The following BRF1 variants were observed in gnomAD, a reference collection of about 807,000 sequenced individuals.
BRF1 encodes BRF1 general transcription factor IIIB subunit.
BRF1 carries 59 observed loss-of-function variants against 81.7 expected under a neutral mutation model. That is an observed-to-expected ratio of 0.72 (90% CI 0.59 to 0.90). BRF1 has a LOEUF of 0.90. Among genes scored for constraint, BRF1 ranks in the 40% least tolerant of loss-of-function variants. The pLI, the probability that BRF1 is intolerant of heterozygous loss-of-function variation, is 0.00. For missense variants in BRF1, 1,050 were observed against 936.3 expected, an observed-to-expected ratio of 1.12 and a Z score of -1.58; for synonymous variants, 491 against 395.6, an observed-to-expected ratio of 1.24 and a Z score of -2.86.
At chr14:105,260,018 G>A (rs1379146671) in intron 3 of BRF1, among the ~76,000 whole-genome samples, 2 of 152,204 alleles carry the variant, frequency 1.3e-5, no homozygotes, top group Non-Finnish European at 2.9e-5. Context: ...TGGAAACAGC[G>A]GTTGCCTTTT....
intron 9 of BRF1, 39 bp downstream of exon 9, chr14:105,226,212 A>G (rs760495241): frequency 6.2e-7 from 1 of 1,614,024 alleles, no homozygotes; most frequent in Non-Finnish European, 8.5e-7. Context: ...AATTTTCCCA[A>G]CAAAACAGAA....
intron 2 of BRF1, 56 bp downstream of exon 2, chr14:105,286,240 C>T (rs1000594742): frequency 3.2e-6 from 5 of 1,547,032 alleles, no homozygotes; most frequent in Non-Finnish European, 1.8e-6. Context: ...CCTAGCACCA[C>T]CATCCCCATC....
intron 3 of BRF1, 121 bp downstream of exon 3, chr14:105,272,600 A>G (rs2056705346): frequency 9.7e-6 from 12 of 1,236,550 alleles, no homozygotes; most frequent in Non-Finnish European, 1.3e-5. Context: ...TTCTTCCAGT[A>G]AGGTGTTTTT....
Position 105,300,537 on chromosome 14 carries a change from C to T in BRF1, c.93G>A (p.Val31=), listed in dbSNP as rs978875253. 5.2e-6 allele frequency: 8 copies of T among 1,528,652 alleles called. No individual in the cohort carries two copies. Among genetic ancestry groups the T allele is most frequent in the Non-Finnish European group, 7.0e-6 (8 of 1,141,250 alleles). The allele number at this position is 1,528,652 out of a possible 1,614,324, so 94.7% of individuals were successfully genotyped here. ...GDAVCTACGS[V]LEDNIIVSEV... ...CGGACACGATGATGTTGTCCTCCAG[C>T]ACTGAGCCGCAGGCGGTGCACACCG... Residue 31 remains valine, a synonymous_variant, in exon 1 of 18, where the codon GTG becomes GTA. Transcript: ENST00000547530.
At chr14:105,283,917 G>A (rs1297533780) in intron 2 of BRF1, among the ~76,000 whole-genome samples, 1 of 152,188 alleles carries the variant, frequency 6.6e-6, no homozygotes, top group East Asian at 1.9e-4. Flanking sequence ...AGGGCCCCTG[G>A]GCAGCGCAGC....
chr14:105,267,230 CCGA>C (rs1490873823), intron 3 of BRF1, among the ~76,000 whole-genome samples: 4 of 152,240 alleles, frequency 2.6e-5, no homozygotes, highest in Non-Finnish European at 5.9e-5. Context: ...CAAGACACCA[CCGA>C]CAAGGGGCCC....
intron 10 of BRF1, among the ~76,000 whole-genome samples, chr14:105,222,862 T>C (rs1892513177): frequency 6.6e-6 from 1 of 152,130 alleles, no homozygotes; most frequent in Non-Finnish European, 1.5e-5. Flanking sequence ...TCTCCTGACC[T>C]TGTGATCTGC....
At chr14:105,248,490 C>CG in intron 5 of BRF1, 1 of 971,028 alleles carries the variant, frequency 1.0e-6, no homozygotes, top group Non-Finnish European at 1.2e-6. Context: ...GGCCTGGGGG[C>CG]GGGGCCGCGA....
chr14:105,250,447 T>A, intron 5 of BRF1: 1 of 1,614,018 alleles, frequency 6.2e-7, no homozygotes, highest in Non-Finnish European at 8.5e-7. Context: ...ACGGATCCAG[T>A]AACACCTTCC....
intron 10 of BRF1, among the ~76,000 whole-genome samples, chr14:105,224,190 G>A (rs188844575): frequency 2.4e-4 from 36 of 152,306 alleles, no homozygotes; most frequent in South Asian, 1.0e-3. Context: ...CCAACGTGGC[G>A]AAACCCCGTT....
At chr14:105,295,782 A>AG (rs1465178748) in intron 1 of BRF1, among the ~76,000 whole-genome samples, 1 of 147,324 alleles carries the variant, frequency 6.8e-6, no homozygotes. Context: ...ACTTTGTCCC[A>AG]GAAAAAAAAA....
rs999575291 is a variant in BRF1 at position 105,275,860 on chromosome 14, C to T, written c.266-2966G>A. Among the ~76,000 whole-genome samples, 27 of 152,380 alleles carry T rather than the reference C, an allele frequency of 1.8e-4. No individual in the cohort carries two copies. The East Asian group carries it at 2.3e-3, about 13-fold the overall frequency. ...TGATGAGCTCAGTGCCCTTAAAAACCGGACCCCAGAGAACTAGCCCAGCTC... is the reference window on the plus strand; with the variant it reads ...TGATGAGCTCAGTGCCCTTAAAAACTGGACCCCAGAGAACTAGCCCAGCTC... On this transcript the variant is annotated intron_variant, in intron 2 of 17. Transcript: ENST00000547530.
chr14:105,249,114 CCGCGCGCG>C (rs926656993), intron 5 of BRF1: 3 of 1,504,152 alleles, frequency 2.0e-6, no homozygotes, highest in Non-Finnish European at 2.6e-6. Context: ...GCCCCCGCGC[CCGCGCGCG>C]CCCACGCCCC....
intron 6 of BRF1, among the ~76,000 whole-genome samples, chr14:105,229,380 C>A (rs899677599): frequency 6.6e-6 from 1 of 152,238 alleles, no homozygotes; most frequent in Non-Finnish European, 1.5e-5. Context: ...GATGGAACGG[C>A]TTCTCAGGTG....
At chr14:105,218,477 C>T (rs1891695370) in intron 14 of BRF1, among the ~76,000 whole-genome samples, 1 of 152,224 alleles carries the variant, frequency 6.6e-6, no homozygotes. Flanking sequence ...CCAGCTTCGT[C>T]TGAGGGACCC....
intron 5 of BRF1, chr14:105,247,727 G>A (rs1319006037): frequency 1.8e-5 from 18 of 985,394 alleles, no homozygotes; most frequent in Non-Finnish European, 2.0e-5. Context: ...GGTCCAGGAG[G>A]TTGCGTGTGT....
Position 105,309,776 on chromosome 14 carries a change from CTTTTTTTTTTTTTT to C in BRF1, c.-162+5532_-162+5545del, listed in dbSNP as rs928875653. The stretch of plus-strand genomic sequence containing the variant: ...TTAAGGAGAAGGTGGTGATGTGTGT[CTTTTTTTTTTTTTT>C]TTTTTTTTTTTTTTAGACGGAGTCT... On this transcript the variant is annotated intron_variant, in intron 1 of 17. Transcript: ENST00000327359. This position sits in a 1 kb window ranked among gnomAD's most constrained non-coding sequence, Gnocchi z 4.0. Among the ~76,000 whole-genome samples, 4 of 89,212 alleles carry C rather than the reference CTTTTTTTTTTTTTT, an allele frequency of 4.5e-5. No homozygotes were observed. The highest frequency in any genetic ancestry group is 3.9e-4 in the South Asian group (1 of 2,580). 58.5% of individuals were successfully genotyped at this position (89,212 alleles called of 152,430 possible).
At chr14:105,242,908 G>C (rs2054797520) in intron 5 of BRF1, among the ~76,000 whole-genome samples, 1 of 151,446 alleles carries the variant, frequency 6.6e-6, no homozygotes, top group Admixed American at 6.6e-5. Context: ...CTGAGCTCAG[G>C]AGATCGAGAC....
intron 1 of BRF1, among the ~76,000 whole-genome samples, chr14:105,293,622 G>A (rs376635223): frequency 3.7e-4 from 56 of 152,312 alleles, no homozygotes; most frequent in Admixed American, 1.6e-3. Flanking sequence ...TGGAGCAGAC[G>A]GCCTCCTCAG....
Sources: gnomAD v4.1 joint callset for allele counts (sites outside exome capture counted in the v4.1 genomes callset) on GRCh38, gnomAD v4.1.1 for gene constraint, Gnocchi (gnomAD v3.1) non-coding constraint, MANE v1.5 for transcripts, NCBI Gene and HGNC (gene_info 2026-07-23, HGNC 2026-07-21) for gene names.